Variants in SECISBP2L observed in about 807,000 individuals in gnomAD.
The protein encoded by SECISBP2L is selenocysteine insertion sequence-binding protein 2-like.
In SECISBP2L, 43 loss-of-function variants were observed where a neutral mutation model predicts 114.7. The observed-to-expected ratio is 0.38, with a 90% CI of 0.29 to 0.48. The LOEUF is 0.48. Among genes scored for constraint, SECISBP2L ranks in the 20% least tolerant of loss-of-function variants. SECISBP2L has a pLI of 0.98. For synonymous variants in SECISBP2L, 451 were observed against 439.7 expected, an observed-to-expected ratio of 1.03 and a Z score of -0.32; for missense variants, 1,136 against 1,301.1, an observed-to-expected ratio of 0.87 and a Z score of 1.95.
Position 49,032,987 on chromosome 15 carries a change from C to A in SECISBP2L, c.642G>T (p.Leu214=). ...TACCAGTTTGCTGTGAAGCATCTAC[C>A]AGAAGCACAATTTTTGATCGACTAT... ...GPDSRSKIVL[L]VDASQQTDFP... is the part of the protein sequence containing the mutation. Residue 214 remains leucine (L), a synonymous_variant, in exon 4 of 18, where the codon CTG becomes CTT. Transcript: ENST00000559471. 1 of 1,613,844 alleles carries A rather than the reference C, an allele frequency of 6.2e-7. No homozygotes were observed. The highest frequency in any genetic ancestry group is 8.5e-7 in the Non-Finnish European group (1 of 1,179,874).
intron 7 of SECISBP2L, among the ~76,000 whole-genome samples, chr15:49,022,360 G>A (rs903767172): frequency 6.6e-6 from 1 of 152,230 alleles, no homozygotes; most frequent in Non-Finnish European, 1.5e-5. Context: ...AGCACTTTGG[G>A]AGGCTGAAGC....
At chr15:49,004,030 G>T (rs1158776979) in intron 14 of SECISBP2L, among the ~76,000 whole-genome samples, 1 of 152,132 alleles carries the variant, frequency 6.6e-6, no homozygotes, top group African/African-American at 2.4e-5. Context: ...GCTCCTCTTT[G>T]TAACTCTGGC....
At chr15:49,022,562 A>G (rs1902661929) in intron 7 of SECISBP2L, among the ~76,000 whole-genome samples, 1 of 151,558 alleles carries the variant, frequency 6.6e-6, no homozygotes, top group Non-Finnish European at 1.5e-5. Flanking sequence ...AGATTGTGCC[A>G]CTGTACTCCA....
intron 4 of SECISBP2L, 67 bp from the exon 5 acceptor site, chr15:49,028,749 T>C: frequency 7.7e-7 from 1 of 1,305,766 alleles, no homozygotes; most frequent in Middle Eastern, 1.9e-4. Context: ...CATTAAATCA[T>C]CATTAAGATT....
intron 16 of SECISBP2L, 89 bp downstream of exon 16, chr15:48,999,744 T>G: frequency 7.1e-7 from 1 of 1,417,188 alleles, no homozygotes; most frequent in Non-Finnish European, 9.6e-7. Flanking sequence ...TTCAAATGCT[T>G]AAACATAACA....
At chr15:49,041,511 A>G (rs754861709) in intron 1 of SECISBP2L, among the ~76,000 whole-genome samples, 2 of 152,226 alleles carry the variant, frequency 1.3e-5, no homozygotes, top group Non-Finnish European at 1.5e-5. Flanking sequence ...CGGAAAGAGC[A>G]CTGTGCTGGA....
chr15:49,039,446 C>T (rs1038525667), intron 1 of SECISBP2L, among the ~76,000 whole-genome samples: 7 of 151,070 alleles, frequency 4.6e-5, no homozygotes, highest in African/African-American at 1.7e-4. Context: ...ACAGTTCACA[C>T]ATACATGCAT....
At chr15:49,003,304 G>T (rs1357730256) in intron 14 of SECISBP2L, among the ~76,000 whole-genome samples, 2 of 152,210 alleles carry the variant, frequency 1.3e-5, no homozygotes, top group Non-Finnish European at 2.9e-5. Context: ...CTGAGACTTT[G>T]CTGAAGTTGC....
At position 49,000,968 on chromosome 15, in the gene SECISBP2L, A is replaced by G; in HGVS notation, c.2157T>C (p.Val719=). 1 of 1,613,874 alleles carries G rather than the reference A, an allele frequency of 6.2e-7. No individual in the cohort carries two copies. The highest frequency in any genetic ancestry group is 8.5e-7 in the Non-Finnish European group (1 of 1,179,888). ...PVRAKARRRL[V]MGLREVTKHM... is the part of the protein sequence containing the mutation. ...GTTTGGTAACTTCTCTTAGACCCAT[A>G]ACGAGTCGTCTCCTTGCTTTTGCTC... The change falls in exon 15 of 18, where the codon GTT becomes GTC. Residue 719 remains valine, a synonymous_variant. Coordinates refer to ENST00000559471, the MANE Select transcript of SECISBP2L (RefSeq NM_001193489.2).
At chr15:49,017,440 C>T in intron 9 of SECISBP2L, 108 bp downstream of exon 9, 1 of 714,418 alleles carries the variant, frequency 1.4e-6, no homozygotes, top group East Asian at 2.7e-5. Flanking sequence ...ATCTCCTGCA[C>T]ACTCTGCTGC....
chr15:49,009,577 T>C (rs375796106), intron 13 of SECISBP2L, among the ~76,000 whole-genome samples, 199 bp from the exon 14 acceptor site: 7 of 152,206 alleles, frequency 4.6e-5, no homozygotes, highest in Admixed American at 2.6e-4. Flanking sequence ...CTATTGTCTG[T>C]TGAAGTATAT....
At chr15:49,038,741 C>A (rs1029361650) in intron 1 of SECISBP2L, among the ~76,000 whole-genome samples, 1 of 151,936 alleles carries the variant, frequency 6.6e-6, no homozygotes, top group African/African-American at 2.4e-5. Flanking sequence ...TAAGTACATT[C>A]TGTAAAAAAT....
intron 14 of SECISBP2L, among the ~76,000 whole-genome samples, chr15:49,007,426 G>A (rs547629761): frequency 6.6e-6 from 1 of 152,196 alleles, no homozygotes; most frequent in African/African-American, 2.4e-5. Context: ...CTCTGTCCCA[G>A]GCAGATGGGA....
intron 4 of SECISBP2L, among the ~76,000 whole-genome samples, chr15:49,029,166 A>G (rs924967016): frequency 2.6e-5 from 4 of 152,186 alleles, no homozygotes; most frequent in Admixed American, 6.5e-5. Flanking sequence ...TATGTTCTAT[A>G]TGTTTTTTAT....
intron 1 of SECISBP2L, among the ~76,000 whole-genome samples, chr15:49,045,441 A>T (rs565051111): frequency 6.6e-6 from 1 of 152,330 alleles, no homozygotes; most frequent in East Asian, 1.9e-4. Flanking sequence ...GAGAGTGAAT[A>T]AACTTGGACT....
At chr15:49,046,133 TG>T in intron 1 of SECISBP2L, 142 bp downstream of exon 1, 1 of 891,672 alleles carries the variant, frequency 1.1e-6, no homozygotes, top group East Asian at 3.0e-5. Flanking sequence ...GAAGGAGAGC[TG>T]GGAGCTGCCA....
In SECISBP2L at chr15:48,990,469, G is replaced by A. The variant is rs993635376; in HGVS notation, c.*1775C>T. 1 of 152,310 alleles carries A rather than the reference G, an allele frequency of 6.6e-6. No homozygotes were observed. The highest frequency in any genetic ancestry group is 1.5e-5 in the Non-Finnish European group (1 of 68,016). The allele number at this position is 152,310 out of a possible 1,614,324, so 9.4% of individuals were successfully genotyped here. ...TTCCTTTAAATATTGGATATTTAGTGCCTAGGAAGTCTATACTGGAGAACA... is the reference window on the plus strand; with the variant it reads ...TTCCTTTAAATATTGGATATTTAGTACCTAGGAAGTCTATACTGGAGAACA... On this transcript the variant is annotated 3_prime_UTR_variant, in exon 18 of 18. Coordinates refer to ENST00000559471, the MANE Select transcript of SECISBP2L (RefSeq NM_001193489.2).
chr15:49,035,457 C>G lies in SECISBP2L; in HGVS notation c.405G>C (p.Gln135His), dbSNP rs763635997. ...PFPTPYSNTF[Q>H]AANTVNAITT... ...TGATAGCATTTACAGTATTTGCAGC[C>G]TGAAAGGTGTTGGAGTAAGGTGTAG... Residue 135 changes from glutamine (Q) to histidine (H), a missense_variant, in exon 3 of 18, where the codon CAG becomes CAC. By Grantham distance (24) the Gln-to-His change is conservative. Around this residue, in one of 2 missense-constraint regions of SECISBP2L, gnomAD observed 452 missense variants for 452.3 expected, o/e 1.00. Coordinates refer to ENST00000559471, the MANE Select transcript of SECISBP2L (RefSeq NM_001193489.2). The G allele has an allele frequency of 6.2e-7, 1 of 1,614,116 alleles. No individual in the cohort carries two copies. Among genetic ancestry groups the G allele is most frequent in the East Asian group, 2.2e-5 (1 of 44,882 alleles).
At chr15:48,997,426 C>T (rs775126485) in intron 16 of SECISBP2L, among the ~76,000 whole-genome samples, 16 of 152,206 alleles carry the variant, frequency 1.1e-4, no homozygotes, top group Non-Finnish European at 1.9e-4. Context: ...GATAGAAAAG[C>T]ATGACTACTG....
Sources: allele counts gnomAD v4.1 joint callset (sites outside exome capture counted in the v4.1 genomes callset), GRCh38; gene constraint gnomAD v4.1.1; regional missense constraint gnomAD v4.1.1; transcripts MANE v1.5; gene names NCBI Gene and HGNC (gene_info 2026-07-23, HGNC 2026-07-21).